Variants in RASSF8 observed in about 807,000 individuals in gnomAD.
The protein encoded by RASSF8 is ras association domain-containing protein 8.
A neutral mutation model predicts 48.5 loss-of-function variants in RASSF8; 22 were observed. The ratio of observed to expected loss-of-function variants is 0.45; its 90% confidence interval spans 0.32 to 0.65. The LOEUF (loss-of-function observed/expected upper bound fraction) is 0.65, where lower values mean the gene tolerates loss of function less well. Among genes scored for constraint, RASSF8 ranks in the 30% least tolerant of loss-of-function variants. RASSF8 has a pLI of 0.03. For missense variants in RASSF8, 418 were observed against 489.2 expected (o/e 0.85, Z 1.37); for synonymous variants, 127 against 171.5 (o/e 0.74, Z 2.03).
At chr12:26,076,635 A>G (rs1944075257), downstream of RASSF8, among the ~76,000 whole-genome samples, 1 of 152,158 alleles carries the variant, frequency 6.6e-6, no homozygotes, top group South Asian at 2.1e-4. Flanking sequence ...CATGGTGTAT[A>G]TGTGCCACAT....
rs116782233 is a variant in RASSF8, at chr12:26,000,597, G to A, written c.-109+5467G>A. 6.8e-3 allele frequency among the ~76,000 whole-genome samples: 1,042 copies of A among 152,118 alleles called. 15 individuals carry two copies. Among genetic ancestry groups the A allele is most frequent in the African/African-American group, 0.024 (996 of 41,472 alleles). ...GTCTAGGTGATTGTTGTTGGGGTGCGAAAATTATAGAGTGTACTTCTACAA... is the reference window on the plus strand; with the variant it reads ...GTCTAGGTGATTGTTGTTGGGGTGCAAAAATTATAGAGTGTACTTCTACAA... On this transcript the variant is annotated intron_variant, in intron 2 of 5. Transcript: ENST00000689635.
intron 2 of RASSF8, among the ~76,000 whole-genome samples, chr12:26,009,202 A>C (rs553027963): frequency 6.6e-6 from 1 of 152,312 alleles, no homozygotes; most frequent in East Asian, 1.9e-4. Context: ...ATATATGAGG[A>C]TGTTCTTGAA....
intron 1 of RASSF8, among the ~76,000 whole-genome samples, chr12:25,981,550 C>T (rs1941744922): frequency 6.6e-6 from 1 of 152,178 alleles, no homozygotes; most frequent in Admixed American, 6.5e-5. Context: ...CAGGGTTATT[C>T]TCAGGGTATG....
At chr12:26,007,568 C>T (rs749283364) in intron 2 of RASSF8, among the ~76,000 whole-genome samples, 3 of 152,128 alleles carry the variant, frequency 2.0e-5, no homozygotes, top group Non-Finnish European at 4.4e-5. Context: ...TGTTTGATGT[C>T]AGTGTAGCTG....
At chr12:25,990,899 G>A (rs1467881968) in intron 1 of RASSF8, among the ~76,000 whole-genome samples, 1 of 151,892 alleles carries the variant, frequency 6.6e-6, no homozygotes, top group East Asian at 1.9e-4. Context: ...AAAGAAATGT[G>A]CCTAAAAAAA....
At chr12:26,022,153 G>A (rs1365055739) in intron 2 of RASSF8, among the ~76,000 whole-genome samples, 1 of 152,166 alleles carries the variant, frequency 6.6e-6, no homozygotes, top group East Asian at 1.9e-4. Context: ...AATCAGCTGG[G>A]AATTGGTTGA....
At chr12:25,997,822 A>G (rs994761389) in intron 2 of RASSF8, among the ~76,000 whole-genome samples, 4 of 152,206 alleles carry the variant, frequency 2.6e-5, no homozygotes, top group African/African-American at 7.2e-5. Context: ...GGAGCCATCC[A>G]TTGTGACCTA....
chr12:25,991,774 A>G (rs1942019958), intron 1 of RASSF8, among the ~76,000 whole-genome samples: 1 of 152,232 alleles, frequency 6.6e-6, no homozygotes, highest in Admixed American at 6.5e-5. Context: ...TTGGCTGTAC[A>G]GGTTATCTCT....
At chr12:26,067,544 T>TA in intron 4 of RASSF8, 25 bp from the exon 5 acceptor site, 1 of 1,582,562 alleles carries the variant, frequency 6.3e-7, no homozygotes, top group Non-Finnish European at 8.6e-7. Flanking sequence ...TCCTCAAATT[T>TA]AAAAAAATAA....
intron 2 of RASSF8, among the ~76,000 whole-genome samples, chr12:26,052,151 C>T (rs1366925455): frequency 6.6e-6 from 1 of 151,660 alleles, no homozygotes; most frequent in Non-Finnish European, 1.5e-5. Context: ...CCTGAAAGCA[C>T]CACAAATAGT....
chr12:26,031,021 A>G (rs1943019375), intron 2 of RASSF8, among the ~76,000 whole-genome samples: 17 of 152,144 alleles, frequency 1.1e-4, no homozygotes, highest in Admixed American at 1.1e-3. Context: ...AGCAGTAGGA[A>G]ATATGATATT....
chr12:25,968,785 A>G (rs1941417124), intron 1 of RASSF8, among the ~76,000 whole-genome samples: 1 of 152,242 alleles, frequency 6.6e-6, no homozygotes, highest in Admixed American at 6.5e-5. Flanking sequence ...ATAATAAATG[A>G]ACAAATATTT....
intron 1 of RASSF8, among the ~76,000 whole-genome samples, chr12:25,963,675 G>A (rs1259166160): frequency 1.3e-5 from 2 of 152,104 alleles, no homozygotes; most frequent in Non-Finnish European, 1.5e-5. Flanking sequence ...AGTCCACCTC[G>A]GGGGTTCCCA....
intron 2 of RASSF8, among the ~76,000 whole-genome samples, chr12:26,001,998 A>G (rs908658471): frequency 3.3e-5 from 5 of 152,254 alleles, no homozygotes; most frequent in African/African-American, 1.2e-4. Context: ...CTACAATGCT[A>G]TGATGGCTAC....
intron 2 of RASSF8, among the ~76,000 whole-genome samples, chr12:26,023,631 A>C (rs1006492257): frequency 1.4e-4 from 21 of 152,144 alleles, no homozygotes; most frequent in African/African-American, 5.1e-4. Context: ...AAAGCAAGTA[A>C]CTCCAGACGG....
At chr12:26,037,737 TAGG>T (rs576193339) in intron 2 of RASSF8, among the ~76,000 whole-genome samples, 1 of 152,146 alleles carries the variant, frequency 6.6e-6, no homozygotes, top group East Asian at 1.9e-4. Context: ...ACACTTTTGT[TAGG>T]AGGTGGGTGC....
chr12:26,028,765 CTCTT>C (rs1243274397), intron 2 of RASSF8, among the ~76,000 whole-genome samples: 6 of 151,926 alleles, frequency 3.9e-5, no homozygotes, highest in Non-Finnish European at 7.4e-5. Context: ...AATTAAAGGT[CTCTT>C]TATTATATGT....
intron 1 of RASSF8, 149 bp from the exon 2 acceptor site, chr12:25,994,888 G>C (rs769023750): frequency 1.3e-5 from 2 of 152,232 alleles, no homozygotes; most frequent in African/African-American, 4.8e-5. Flanking sequence ...GGGGAAGAGT[G>C]GGGACAGGGG....
chr12:26,076,346 C>G (rs10771257), downstream of RASSF8, among the ~76,000 whole-genome samples: 1 of 151,978 alleles, frequency 6.6e-6, no homozygotes. Flanking sequence ...TACATGTGCC[C>G]TGTTAGTTTG....
Sources: allele counts gnomAD v4.1 joint callset (sites outside exome capture counted in the v4.1 genomes callset), GRCh38; gene constraint gnomAD v4.1.1; transcripts MANE v1.5; gene names NCBI Gene and HGNC (gene_info 2026-07-23, HGNC 2026-07-21).